SLC39A14: variants seen among roughly 807,000 people sequenced by gnomAD.
The protein encoded by SLC39A14 is solute carrier family 39 member 14, also known as metal cation symporter ZIP14.
SLC39A14 carries 19 observed loss-of-function variants against 45.5 expected under a neutral mutation model. The observed-to-expected ratio is 0.42, with a 90% CI of 0.29 to 0.61. The LOEUF is 0.61. SLC39A14 is among the 20% of genes least tolerant of loss of function. The probability of loss-of-function intolerance (pLI) is 0.22; values close to 1 mark genes in which losing one functional copy is unlikely to be tolerated. For synonymous variants in SLC39A14, 264 were observed against 251.3 expected, an observed-to-expected ratio of 1.05 and a Z score of -0.48; for missense variants, 447 against 616.5, an observed-to-expected ratio of 0.73 and a Z score of 2.91.
intron 2 of SLC39A14, among the ~76,000 whole-genome samples, chr8:22,405,744 G>A (rs770279136): frequency 1.3e-5 from 2 of 152,196 alleles, no homozygotes; most frequent in Non-Finnish European, 2.9e-5. Flanking sequence ...GACACCGAGG[G>A]TCCCGCAGTG....
intron 3 of SLC39A14, among the ~76,000 whole-genome samples, chr8:22,411,305 C>G (rs1285309824): frequency 6.6e-6 from 1 of 152,142 alleles, no homozygotes; most frequent in Non-Finnish European, 1.5e-5. Flanking sequence ...GGGAAATGTT[C>G]AAGGAAATAT....
chr8:22,403,736 G>T (rs1437602757), intron 1 of SLC39A14, among the ~76,000 whole-genome samples: 1 of 150,998 alleles, frequency 6.6e-6, no homozygotes, highest in Non-Finnish European at 1.5e-5. Context: ...GGGCAAATAT[G>T]GTGAAACCCC....
chr8:22,409,650 G>A (rs1185301626), intron 3 of SLC39A14, among the ~76,000 whole-genome samples: 1 of 152,114 alleles, frequency 6.6e-6, no homozygotes, highest in Non-Finnish European at 1.5e-5. Context: ...CCAAAGTGCT[G>A]GGATTATAGG....
At chr8:22,427,919 A>G (rs1441791692) in intron 8 of SLC39A14, among the ~76,000 whole-genome samples, 1 of 152,204 alleles carries the variant, frequency 6.6e-6, no homozygotes, top group East Asian at 1.9e-4. Flanking sequence ...CTGCAATCCC[A>G]GTGCATTGGG....
At chr8:22,429,025 C>T (rs1586763437) in intron 8 of SLC39A14, among the ~76,000 whole-genome samples, 1 of 152,054 alleles carries the variant, frequency 6.6e-6, no homozygotes, top group Non-Finnish European at 1.5e-5. Context: ...GTAATCCTAG[C>T]ACTTTGGGAG....
chr8:22,407,576 G>A (rs1297893892), intron 2 of SLC39A14, among the ~76,000 whole-genome samples: 1 of 152,060 alleles, frequency 6.6e-6, no homozygotes, highest in Non-Finnish European at 1.5e-5. Context: ...GGCCAGGCTG[G>A]TTTTGAACTC....
At chr8:22,398,090 CAG>C (rs1467546198) in intron 1 of SLC39A14, 8 of 152,220 alleles carry the variant, frequency 5.3e-5, no homozygotes, top group African/African-American at 1.9e-4. Flanking sequence ...TGAGGCCAGT[CAG>C]TGGTGGAACC....
chr8:22,368,029 T>C (rs769302886), intron 1 of SLC39A14, among the ~76,000 whole-genome samples: 62 of 152,314 alleles, frequency 4.1e-4, no homozygotes, highest in Non-Finnish European at 7.5e-4. Context: ...TTTCATCATC[T>C]GATCCTGAGG....
chr8:22,381,416 G>A (rs1045187677), intron 1 of SLC39A14, among the ~76,000 whole-genome samples: 15 of 152,004 alleles, frequency 9.9e-5, no homozygotes, highest in African/African-American at 3.4e-4. Flanking sequence ...GAATATAGGC[G>A]CCCGCCACCA....
intron 1 of SLC39A14, among the ~76,000 whole-genome samples, chr8:22,384,021 A>G (rs887462153): frequency 6.6e-6 from 1 of 152,116 alleles, no homozygotes; most frequent in Non-Finnish European, 1.5e-5. Flanking sequence ...TCCTGTTCCC[A>G]GCTCCTCGGC....
chr8:22,373,209 G>C (rs1264604101), intron 1 of SLC39A14, among the ~76,000 whole-genome samples: 1 of 150,096 alleles, frequency 6.7e-6, no homozygotes, highest in Non-Finnish European at 1.5e-5. Context: ...GTTGCAGTGA[G>C]CCAAGATTAC....
At chr8:22,394,661 G>C (rs763807993) in intron 1 of SLC39A14, among the ~76,000 whole-genome samples, 1 of 152,060 alleles carries the variant, frequency 6.6e-6, no homozygotes, top group Non-Finnish European at 1.5e-5. Context: ...AATGCTCACC[G>C]TCAGTCCTCT....
At chr8:22,378,113 A>G (rs1343405060) in intron 1 of SLC39A14, among the ~76,000 whole-genome samples, 1 of 152,204 alleles carries the variant, frequency 6.6e-6, no homozygotes, top group Non-Finnish European at 1.5e-5. Flanking sequence ...CTTGGTAGGC[A>G]TGTGTCAGTA....
Position 22,422,399 on chromosome 8 carries a change from G to C in SLC39A14, c.*2701G>C, listed in dbSNP as rs370999700. On this transcript the variant is annotated 3_prime_UTR_variant, in exon 9 of 9. Transcript: ENST00000381237. ...CTTAACCTTGGGTTTTAAAAAGAAG[G>C]CTTCTCTGTTTGGGTAGCGTAAGAG... 3.0e-6 allele frequency: 3 copies of C among 985,794 alleles called. No individual in the cohort carries two copies. The highest frequency in any genetic ancestry group is 3.6e-6 in the Non-Finnish European group (3 of 829,916). The allele number at this position is 985,794 out of a possible 1,614,324, so 61.1% of individuals were successfully genotyped here. A position where few individuals can be genotyped will look rare whatever the true frequency, so the allele number is the denominator to read the frequency against.
At chr8:22,407,177 G>C (rs1406734846) in intron 2 of SLC39A14, among the ~76,000 whole-genome samples, 1 of 152,190 alleles carries the variant, frequency 6.6e-6, no homozygotes, top group African/African-American at 2.4e-5. Flanking sequence ...CTATGGTTGA[G>C]GATGTGTGGG....
chr8:22,412,116 G>C lies in SLC39A14; in HGVS notation c.537G>C (p.Lys179Asn). ...GGGCCAGCGTGGTGCCCTTCATGAAGAAGACCTTTTACAAGAGGCTGCTGC... is the reference window on the plus strand; with the variant it reads ...GGGCCAGCGTGGTGCCCTTCATGAACAAGACCTTTTACAAGAGGCTGCTGC... ...LLGASVVPFM[K>N]KTFYKRLLLY... Residue 179 changes from lysine to asparagine, a missense_variant, in exon 4 of 9, where the codon AAG (lysine) becomes AAC (asparagine). Physicochemically the swap from Lys to Asn is moderately conservative, Grantham distance 94. Around this residue, in one of 2 missense-constraint regions of SLC39A14, gnomAD observed 342 missense variants for 428.1 expected, o/e 0.80. Transcript: ENST00000381237. 2.0e-5 allele frequency: 31 copies of C among 1,551,728 alleles called. No individual in the cohort carries two copies. Among genetic ancestry groups the C allele is most frequent in the Non-Finnish European group, 2.7e-5 (31 of 1,147,004 alleles).
At chr8:22,431,267 G>C (rs552604817) in intron 8 of SLC39A14, among the ~76,000 whole-genome samples, 2 of 152,288 alleles carry the variant, frequency 1.3e-5, no homozygotes, top group African/African-American at 4.8e-5. Flanking sequence ...GATTACAGAC[G>C]TGAGCCACCG....
chr8:22,412,643 A>T (rs575658788), intron 4 of SLC39A14, among the ~76,000 whole-genome samples: 3 of 152,202 alleles, frequency 2.0e-5, no homozygotes, highest in African/African-American at 7.2e-5. Context: ...GGGTGCAGAG[A>T]AGTTTAAAAA....
chr8:22,371,414 CTTTTTTTTTTTTTT>C (rs373230777), intron 1 of SLC39A14, among the ~76,000 whole-genome samples: 8 of 120,044 alleles, frequency 6.7e-5, no homozygotes, highest in Non-Finnish European at 1.0e-4. Flanking sequence ...AAATACATGT[CTTTTTTTTTTTTTT>C]TTTTTTTTTT....
Sources: gnomAD v4.1 joint callset for allele counts (sites outside exome capture counted in the v4.1 genomes callset) on GRCh38, gnomAD v4.1.1 for gene constraint, gnomAD v4.1.1 regional missense constraint, MANE v1.5 for transcripts, NCBI Gene and HGNC (gene_info 2026-07-23, HGNC 2026-07-21) for gene names.